SUPT20HL1: variants seen among roughly 807,000 people sequenced by gnomAD.
SUPT20HL1 encodes transcription factor SPT20 homolog-like 1.
For synonymous variants in SUPT20HL1, 133 were observed against 79.2 expected (o/e 1.68, Z -3.61); for missense variants, 277 against 200.3 (o/e 1.38, Z -2.31).
In SUPT20HL1 at chrX:24,363,519, G is replaced by A. The variant is rs1939443942; in HGVS notation, c.759G>A (p.Gln253=). Residue 253 remains glutamine (Q), a synonymous_variant, in exon 1 of 1, where the codon CAG becomes CAA. Transcript: ENST00000686983. ...CCTCTGTAAAGCCACAGCAGGAGCA[G>A]TCTGACTGTCCACCTCCTCCTGAGC... The part of the protein sequence containing the change: ...SWPSVKPQQE[Q]SDCPPPPELR... 5.2e-6 allele frequency: 2 copies of A among 386,045 alleles called. No individual in the cohort carries two copies. Among genetic ancestry groups the A allele is most frequent in the Admixed American group, 2.5e-5 (1 of 39,430 alleles). 31.8% of individuals were successfully genotyped at this position (386,045 alleles called of 1,213,427 possible). A position where few individuals can be genotyped will look rare whatever the true frequency, so the allele number is the denominator to read the frequency against.
rs754107569 is a variant in SUPT20HL1, at chrX:24,364,422, AGCTGCTGCTCCT to A, written c.1672_1683del (p.Pro558_Ala561del). ...CTGCTCCTGCCGCTGCTCCTGCTGT[AGCTGCTGCTCCT>A]GCTGCTGCTGCTTCTGCGGCACCAA... On this transcript the variant is annotated inframe_deletion, in exon 1 of 1. Coordinates refer to ENST00000686983, the MANE Select transcript of SUPT20HL1 (RefSeq NM_001136234.3). The A allele has an allele frequency of 3.6e-6, 2 of 554,129 alleles. No homozygotes were observed. The highest frequency in any genetic ancestry group is 6.3e-6 in the Non-Finnish European group (2 of 315,709). 45.7% of individuals were successfully genotyped at this position (554,129 alleles called of 1,213,427 possible).
At position 24,366,076 on chromosome X, in the gene SUPT20HL1, G is replaced by A. The variant is rs752717038; in HGVS notation, c.*652G>A. ...ACTACCCTGGCCACTTCATGGAAGTGGAATCATATGGCATTTGTCATTTGA... is the reference window on the plus strand; with the variant it reads ...ACTACCCTGGCCACTTCATGGAAGTAGAATCATATGGCATTTGTCATTTGA... On this transcript the variant is annotated 3_prime_UTR_variant, in exon 1 of 1. Transcript: ENST00000686983. Among the ~76,000 whole-genome samples the A allele has an allele frequency of 9.0e-6, 1 of 111,341 alleles. No homozygotes were observed. Among genetic ancestry groups the A allele is most frequent in the South Asian group, 3.8e-4 (1 of 2,598 alleles).
At position 24,364,445 on chromosome X, in the gene SUPT20HL1, C is replaced by A. The variant is rs1432487420; in HGVS notation, c.1685C>A (p.Ala562Asp). ...GTAGCTGCTGCTCCTGCTGCTGCTGCTTCTGCGGCACCAAGTCATTCTCAG... is the reference window on the plus strand; with the variant it reads ...GTAGCTGCTGCTCCTGCTGCTGCTGATTCTGCGGCACCAAGTCATTCTCAG... ...PAVAAAPAAA[A>D]SAAPSHSQKP... is the part of the protein sequence containing the mutation. The change falls in exon 1 of 1, where the codon GCT (alanine) becomes GAT (aspartate). Residue 562 changes from alanine to aspartate, a missense_variant. Transcript: ENST00000686983. The A allele has an allele frequency of 1.4e-5, 8 of 552,370 alleles. No individual in the cohort carries two copies. The highest frequency in any genetic ancestry group is 2.3e-5 in the African/African-American group (1 of 43,905). The allele number at this position is 552,370 out of a possible 1,213,427, so 45.5% of individuals were successfully genotyped here. A position where few individuals can be genotyped will look rare whatever the true frequency, so the allele number is the denominator to read the frequency against.
At position 24,364,277 on chromosome X, in the gene SUPT20HL1, CTG is replaced by C. The variant is rs1442708693; in HGVS notation, c.1518_1519del (p.Ala507CysfsTer73). 3 of 935,594 alleles carry C rather than the reference CTG, an allele frequency of 3.2e-6. No homozygotes were observed. The highest frequency in any genetic ancestry group is 4.5e-6 in the Non-Finnish European group (3 of 671,332). The allele number at this position is 935,594 out of a possible 1,213,427, so 77.1% of individuals were successfully genotyped here. On this transcript the variant is annotated frameshift_variant, in exon 1 of 1. Transcript: ENST00000686983. LOFTEE classifies it low-confidence loss of function (END_TRUNC). ...GCTATTGCTGCTGCTGCTGCTGCTG[CTG>C]CTGCTGCTGCTGCTGCTGCTGCTGC...
chrX:24,364,634 G>T lies in SUPT20HL1; in HGVS notation c.1874G>T (p.Ser625Ile), dbSNP rs747773037. 6.5e-5 allele frequency: 32 copies of T among 490,435 alleles called. No homozygotes were observed. The highest frequency in any genetic ancestry group is 3.6e-4 in the Middle Eastern group (1 of 2,809). 40.4% of individuals were successfully genotyped at this position (490,435 alleles called of 1,213,427 possible). A position where few individuals can be genotyped will look rare whatever the true frequency, so the allele number is the denominator to read the frequency against. Residue 625 changes from serine to isoleucine, a missense_variant, in exon 1 of 1, where the codon AGC (serine) becomes ATC (isoleucine). By Grantham distance (142) the Ser-to-Ile change is moderately radical. Coordinates refer to ENST00000686983, the MANE Select transcript of SUPT20HL1 (RefSeq NM_001136234.3). Reference sequence around the variant, plus strand: ...GTCCAGGGAGCCCAGGCTTTGGGGAGCAGTTTCAAGCCTGTGCAGGCCCCT... The same window carrying T: ...GTCCAGGGAGCCCAGGCTTTGGGGATCAGTTTCAAGCCTGTGCAGGCCCCT... ...GPVQGAQALG[S>I]SFKPVQAPGS...
At position 24,364,829 on chromosome X, in the gene SUPT20HL1, C is replaced by T. The variant is rs764213828; in HGVS notation, c.2069C>T (p.Pro690Leu). ...AGGCCTCTGACACTCCTCCAGGTTC[C>T]GCAGGGCTCGGCGGTTCTGACCGGC... ...GLRPLTLLQV[P>L]QGSAVLTGPQ... The change falls in exon 1 of 1, where the codon CCG becomes CTG. Residue 690 changes from proline to leucine, a missense_variant. Physicochemically the swap from Pro to Leu is moderately conservative, Grantham distance 98. Transcript: ENST00000686983. 6 of 386,948 alleles carry T rather than the reference C, an allele frequency of 1.6e-5. No homozygotes were observed. The highest frequency in any genetic ancestry group is 5.1e-5 in the African/African-American group (2 of 39,467). 31.9% of individuals were successfully genotyped at this position (386,948 alleles called of 1,213,427 possible).
rs1481779008 is a variant in SUPT20HL1 at position 24,365,532 on chromosome X, A to G, written c.*108A>G. The G allele has an allele frequency of 5.7e-5, 16 of 281,644 alleles. No individual in the cohort carries two copies. The East Asian group carries it at 1.3e-3, about 22-fold the overall frequency. The allele number at this position is 281,644 out of a possible 1,213,427, so 23.2% of individuals were successfully genotyped here. On this transcript the variant is annotated 3_prime_UTR_variant, in exon 1 of 1. Coordinates refer to ENST00000686983, the MANE Select transcript of SUPT20HL1 (RefSeq NM_001136234.3). ...TTTTTTTCATGTTTCGGTATTTTACATTTTAAAGTACACAGTTTACACAGA... is the reference window on the plus strand; with the variant it reads ...TTTTTTTCATGTTTCGGTATTTTACGTTTTAAAGTACACAGTTTACACAGA...
rs1232449214 is a variant in SUPT20HL1 at position 24,361,638 on chromosome X, G to A, written c.-1123G>A. Among the ~76,000 whole-genome samples, 1 of 111,778 alleles carries A rather than the reference G, an allele frequency of 8.9e-6. No individual in the cohort carries two copies. Among genetic ancestry groups the A allele is most frequent in the African/African-American group, 3.3e-5 (1 of 30,760 alleles). ...ATTGAAAATTTATTGCCATCACCTG[G>A]AACAATTGTTCTCGTCCTTATCAGG... On this transcript the variant is annotated 5_prime_UTR_variant, in exon 1 of 1. Transcript: ENST00000686983.
Position 24,365,513 on chromosome X carries a change from T to C in SUPT20HL1, c.*89T>C, listed in dbSNP as rs1050823627. The C allele has an allele frequency of 3.3e-6, 1 of 302,478 alleles. No homozygotes were observed. Among genetic ancestry groups the C allele is most frequent in the African/African-American group, 2.8e-5 (1 of 36,158 alleles). 24.9% of individuals were successfully genotyped at this position (302,478 alleles called of 1,213,427 possible). On this transcript the variant is annotated 3_prime_UTR_variant, in exon 1 of 1. Transcript: ENST00000686983. ...TTTTACTTGAGTTTTGTTTTTTTTT[T>C]CATGTTTCGGTATTTTACATTTTAA...
rs35788474 is a variant in SUPT20HL1, at chrX:24,362,807, T to C, written c.47T>C (p.Ile16Thr). The change falls in exon 1 of 1, where the codon ATT (isoleucine) becomes ACT (threonine). Residue 16 changes from isoleucine (I) to threonine (T), a missense_variant. Transcript: ENST00000686983. ...EQALDRAENI[I>T]EIAQQRPPRR... is the part of the protein sequence containing the mutation. ...GCTCTGGATCGCGCAGAGAATATCA[T>C]TGAAATTGCCCAACAGAGACCTCCT... 1.5e-4 allele frequency: 56 copies of C among 385,240 alleles called. No individual in the cohort carries two copies. The highest frequency in any genetic ancestry group is 4.5e-4 in the East Asian group (6 of 13,310). 31.7% of individuals were successfully genotyped at this position (385,240 alleles called of 1,213,427 possible).
Position 24,364,256 on chromosome X carries a change from TTGCTGCTGCTGCTGCTGC to T in SUPT20HL1, c.1534_1551del (p.Ala512_Ala517del), listed in dbSNP as rs35206911. On this transcript the variant is annotated inframe_deletion, in exon 1 of 1. Coordinates refer to ENST00000686983, the MANE Select transcript of SUPT20HL1 (RefSeq NM_001136234.3). Reference sequence around the variant, plus strand: ...CGTCCATTTTCTGCTGCTGCTGCTATTGCTGCTGCTGCTGCTGCTGCTGCTGCTGCTGCTGCTGCTGCT... The same window carrying T: ...CGTCCATTTTCTGCTGCTGCTGCTATTGCTGCTGCTGCTGCTGCTGCTGCT... 953 of 803,618 alleles carry T rather than the reference TTGCTGCTGCTGCTGCTGC, an allele frequency of 1.2e-3. 2 individuals carry two copies. The highest frequency in any genetic ancestry group is 8.2e-3 in the African/African-American group (271 of 32,903). The allele number at this position is 803,618 out of a possible 1,213,427, so 66.2% of individuals were successfully genotyped here. A position where few individuals can be genotyped will look rare whatever the true frequency, so the allele number is the denominator to read the frequency against.
rs1569202825 is a variant in SUPT20HL1 at position 24,361,693 on chromosome X, T to C, written c.-1068T>C. Reference sequence around the variant, plus strand: ...AATCACCTTGTAGAAATGAATGGTTTCATGTCTCTCTACCATCCTGACCTG... The same window carrying C: ...AATCACCTTGTAGAAATGAATGGTTCCATGTCTCTCTACCATCCTGACCTG... On this transcript the variant is annotated 5_prime_UTR_variant, in exon 1 of 1. Transcript: ENST00000686983. Among the ~76,000 whole-genome samples, 1 of 112,133 alleles carries C rather than the reference T, an allele frequency of 8.9e-6. No homozygotes were observed. Among genetic ancestry groups the C allele is most frequent in the Non-Finnish European group, 1.9e-5 (1 of 53,238 alleles).
Position 24,366,176 on chromosome X carries a change from C to T in SUPT20HL1, c.*752C>T, listed in dbSNP as rs764037381. Among the ~76,000 whole-genome samples, 11 of 111,717 alleles carry T rather than the reference C, an allele frequency of 9.8e-5. No homozygotes were observed. The highest frequency in any genetic ancestry group is 1.5e-4 in the Non-Finnish European group (8 of 53,118). ...GTCTCATGTGACATAAAGGTCATTG[C>T]TTTTTAAAAATGGTTTCCCTGTACA... On this transcript the variant is annotated 3_prime_UTR_variant, in exon 1 of 1. Coordinates refer to ENST00000686983, the MANE Select transcript of SUPT20HL1 (RefSeq NM_001136234.3).
At position 24,366,165 on chromosome X, in the gene SUPT20HL1, A is replaced by G. The variant is rs1198136069; in HGVS notation, c.*741A>G. Among the ~76,000 whole-genome samples, 5 of 111,884 alleles carry G rather than the reference A, an allele frequency of 4.5e-5. No homozygotes were observed. The highest frequency in any genetic ancestry group is 9.4e-5 in the Non-Finnish European group (5 of 53,190). ...CTATCCCTGCTGTCTCATGTGACAT[A>G]AAGGTCATTGCTTTTTAAAAATGGT... is the stretch of plus-strand genomic sequence containing the variant. On this transcript the variant is annotated 3_prime_UTR_variant, in exon 1 of 1. Coordinates refer to ENST00000686983, the MANE Select transcript of SUPT20HL1 (RefSeq NM_001136234.3).
rs1939493533 is a variant in SUPT20HL1 at position 24,367,745 on chromosome X, T to C, written c.*2321T>C. Among the ~76,000 whole-genome samples, 1 of 112,187 alleles carries C rather than the reference T, an allele frequency of 8.9e-6. No individual in the cohort carries two copies. The highest frequency in any genetic ancestry group is 9.5e-5 in the Admixed American group (1 of 10,556). Reference sequence around the variant, plus strand: ...CCTTCCTTTGTTGTCTATCTGGTCCTTTCAAGTACTACATGGAGCTACCAG... The same window carrying C: ...CCTTCCTTTGTTGTCTATCTGGTCCCTTCAAGTACTACATGGAGCTACCAG... On this transcript the variant is annotated 3_prime_UTR_variant, in exon 1 of 1. Coordinates refer to ENST00000686983, the MANE Select transcript of SUPT20HL1 (RefSeq NM_001136234.3).
Position 24,367,059 on chromosome X carries a change from T to G in SUPT20HL1, c.*1635T>G, listed in dbSNP as rs1360994817. On this transcript the variant is annotated 3_prime_UTR_variant, in exon 1 of 1. Transcript: ENST00000686983. Reference sequence around the variant, plus strand: ...ACCTAAATATCTCCTGTAAATGTAGTCATACAGTATGTGATCTTTTGTGTC... The same window carrying G: ...ACCTAAATATCTCCTGTAAATGTAGGCATACAGTATGTGATCTTTTGTGTC... Among the ~76,000 whole-genome samples, 2 of 111,158 alleles carry G rather than the reference T, an allele frequency of 1.8e-5. No homozygotes were observed. The highest frequency in any genetic ancestry group is 6.6e-5 in the African/African-American group (2 of 30,174).
At position 24,364,830 on chromosome X, in the gene SUPT20HL1, G is replaced by A. The variant is rs754362622; in HGVS notation, c.2070G>A (p.Pro690=). 2.8e-5 allele frequency: 11 copies of A among 386,795 alleles called. No homozygotes were observed. Among genetic ancestry groups the A allele is most frequent in the Admixed American group, 1.5e-4 (6 of 39,512 alleles). 31.9% of individuals were successfully genotyped at this position (386,795 alleles called of 1,213,427 possible). A position where few individuals can be genotyped will look rare whatever the true frequency, so the allele number is the denominator to read the frequency against. Residue 690 remains proline, a synonymous_variant, in exon 1 of 1, where the codon CCG becomes CCA. Coordinates refer to ENST00000686983, the MANE Select transcript of SUPT20HL1 (RefSeq NM_001136234.3). ...GLRPLTLLQV[P]QGSAVLTGPQ... ...GGCCTCTGACACTCCTCCAGGTTCC[G>A]CAGGGCTCGGCGGTTCTGACCGGCC...
In SUPT20HL1 at chrX:24,361,425, T is replaced by C. The variant is rs763660349; in HGVS notation, c.-1336T>C. Among the ~76,000 whole-genome samples, 126 of 112,179 alleles carry C rather than the reference T, an allele frequency of 1.1e-3. No individual in the cohort carries two copies. Among genetic ancestry groups the C allele is most frequent in the African/African-American group, 3.5e-3 (107 of 30,917 alleles). On this transcript the variant is annotated 5_prime_UTR_variant, in exon 1 of 1. It removes an upstream start codon present in the reference 5' UTR. Coordinates refer to ENST00000686983, the MANE Select transcript of SUPT20HL1 (RefSeq NM_001136234.3). ...ACTCATGAGTCAGAAAAACAGGCTA[T>C]GGAGTAGTTCTCCCCAGAAAAACAT... is the stretch of plus-strand genomic sequence containing the variant.
chrX:24,367,507 T>C lies in SUPT20HL1; in HGVS notation c.*2083T>C, dbSNP rs947130525. On this transcript the variant is annotated 3_prime_UTR_variant, in exon 1 of 1. Coordinates refer to ENST00000686983, the MANE Select transcript of SUPT20HL1 (RefSeq NM_001136234.3). ...CCTATTACTAATGTGCTACTGATGC[T>C]GTTAAAGAAAGACTTGGCCAACTTC... Among the ~76,000 whole-genome samples the C allele has an allele frequency of 4.4e-5, 5 of 112,516 alleles. No homozygotes were observed. Among genetic ancestry groups the C allele is most frequent in the Non-Finnish European group, 9.4e-5 (5 of 53,303 alleles).
Sources: gnomAD v4.1 joint callset for allele counts (sites outside exome capture counted in the v4.1 genomes callset) on GRCh38, gnomAD v4.1.1 for gene constraint, MANE v1.5 for transcripts, NCBI Gene and HGNC (gene_info 2026-07-23, HGNC 2026-07-21) for gene names.